The following VPS53 variants were observed in gnomAD, a reference collection of about 807,000 sequenced individuals.
VPS53 encodes vacuolar protein sorting-associated protein 53 homolog.
A neutral mutation model predicts 107.0 loss-of-function variants in VPS53; 70 were observed. The ratio of observed to expected loss-of-function variants is 0.65; its 90% CI spans 0.54 to 0.80. The LOEUF (loss-of-function observed/expected upper bound fraction) is 0.80, where lower values mean the gene tolerates loss of function less well. VPS53 is among the 30% of genes least tolerant of loss of function. The probability of loss-of-function intolerance (pLI) is 0.00; values close to 1 mark genes in which losing one functional copy is unlikely to be tolerated. For synonymous variants in VPS53, 409 were observed against 393.3 expected, an observed-to-expected ratio of 1.04 and a Z score of -0.47; for missense variants, 917 against 1,049.4, an observed-to-expected ratio of 0.87 and a Z score of 1.74.
chr17:530,790 G>T (rs1052759615), intron 19 of VPS53, among the ~76,000 whole-genome samples: 2 of 152,188 alleles, frequency 1.3e-5, no homozygotes, highest in African/African-American at 4.8e-5. Flanking sequence ...ATCAATATTG[G>T]TGTGGGTCAG....
chr17:521,700 G>C lies in VPS53; in HGVS notation c.2124C>G (p.Leu708=), dbSNP rs537204511. The C allele has an allele frequency of 2.6e-6, 4 of 1,549,984 alleles. No individual in the cohort carries two copies. The highest frequency in any genetic ancestry group is 3.5e-6 in the Non-Finnish European group (4 of 1,146,004). The stretch of plus-strand genomic sequence containing the variant: ...CCTGCGAGCTGATGGAGGGGAGATC[G>C]AGCAGGACCATCTTCAGCGAGTGGG... ...LDTHSLKMVL[L]DLPSISSQVV... The change falls in exon 20 of 22, where the codon CTC becomes CTG. Residue 708 remains leucine, a synonymous_variant. Coordinates refer to ENST00000437048, the MANE Select transcript of VPS53 (RefSeq NM_001128159.3).
At chr17:709,770 C>T (rs1973568705) in intron 2 of VPS53, among the ~76,000 whole-genome samples, 1 of 152,210 alleles carries the variant, frequency 6.6e-6, no homozygotes, top group African/African-American at 2.4e-5. Context: ...CTCACCCAAA[C>T]ACCCAAAAAC....
At chr17:690,718 T>C (rs560467645) in intron 4 of VPS53, among the ~76,000 whole-genome samples, 14 of 151,296 alleles carry the variant, frequency 9.3e-5, no homozygotes, top group Non-Finnish European at 2.1e-4. Flanking sequence ...AATGGAAGAA[T>C]AGTGTCTAAA....
At chr17:671,557 T>TA (rs1971946735) in intron 4 of VPS53, among the ~76,000 whole-genome samples, 1 of 152,054 alleles carries the variant, frequency 6.6e-6, no homozygotes, top group Non-Finnish European at 1.5e-5. Context: ...ACCTGAAAGG[T>TA]AGTAAGGAAT....
At chr17:658,543 A>G (rs1018416294) in intron 5 of VPS53, among the ~76,000 whole-genome samples, 9 of 143,954 alleles carry the variant, frequency 6.3e-5, no homozygotes, top group East Asian at 4.3e-4. Context: ...ACATCCCACC[A>G]AAGTGAGAAA....
intron 13 of VPS53, among the ~76,000 whole-genome samples, chr17:576,448 C>T (rs1218698922): frequency 1.3e-5 from 2 of 151,526 alleles, no homozygotes; most frequent in Non-Finnish European, 2.9e-5. Context: ...AGAAAACATA[C>T]CTCAGAACCT....
intron 4 of VPS53, among the ~76,000 whole-genome samples, chr17:668,836 T>C (rs1971814325): frequency 6.6e-6 from 1 of 152,118 alleles, no homozygotes; most frequent in African/African-American, 2.4e-5. Context: ...TTCTATCCCT[T>C]TCTCTCTTAC....
At position 706,580 on chromosome 17, in the gene VPS53, A is replaced by C. The variant is rs565420390; in HGVS notation, c.168+3953T>G. Reference sequence around the variant, plus strand: ...TACACAAGCAAGTCATTGTAACATCATAATTTACCTATAATCTGTTACTGT... The same window carrying C: ...TACACAAGCAAGTCATTGTAACATCCTAATTTACCTATAATCTGTTACTGT... On this transcript the variant is annotated intron_variant, in intron 2 of 21. Transcript: ENST00000437048. Among the ~76,000 whole-genome samples the C allele has an allele frequency of 2.6e-5, 4 of 152,150 alleles. No homozygotes were observed. The South Asian group carries it at 8.3e-4, about 32-fold the overall frequency.
intron 2 of VPS53, among the ~76,000 whole-genome samples, chr17:700,809 C>T (rs1973168624): frequency 6.6e-6 from 1 of 152,092 alleles, no homozygotes; most frequent in African/African-American, 2.4e-5. Flanking sequence ...TATTTTATCT[C>T]AGAAGGAATT....
intron 15 of VPS53, among the ~76,000 whole-genome samples, chr17:553,715 C>G (rs746222490): frequency 6.6e-6 from 1 of 151,686 alleles, no homozygotes; most frequent in Non-Finnish European, 1.5e-5. Context: ...GGACTACAGG[C>G]GTGCGCTACC....
At chr17:694,378 T>C (rs1972874660) in intron 4 of VPS53, among the ~76,000 whole-genome samples, 1 of 152,164 alleles carries the variant, frequency 6.6e-6, no homozygotes, top group African/African-American at 2.4e-5. Flanking sequence ...TACCGCTAGT[T>C]TGCAAGAGTC....
chr17:611,831 T>C (rs887630534), intron 11 of VPS53, among the ~76,000 whole-genome samples: 2 of 150,958 alleles, frequency 1.3e-5, no homozygotes, highest in African/African-American at 2.4e-5. Flanking sequence ...AATAGTGAAT[T>C]CACACAGTGA....
chr17:586,435 AC>A, intron 12 of VPS53, 71 bp from the exon 13 acceptor site: 2 of 1,430,386 alleles, frequency 1.4e-6, no homozygotes, highest in Non-Finnish European at 2.0e-6. Flanking sequence ...TTTTTTAAAA[AC>A]ATCATTTCAA....
In VPS53 at chr17:623,620, C is replaced by T; in HGVS notation, c.1029G>A (p.Leu343=). 1 of 1,613,978 alleles carries T rather than the reference C, an allele frequency of 6.2e-7. No individual in the cohort carries two copies. The highest frequency in any genetic ancestry group is 8.5e-7 in the Non-Finnish European group (1 of 1,179,908). The part of the protein sequence containing the change: ...RTRAKEIEVK[L]LLFAIQRTTN... ...TTGTTCTTTGAATAGCAAAAAGAAG[C>T]AATTTCACTTCAATTTCCTTCGCTC... Residue 343 remains leucine, a synonymous_variant, in exon 11 of 22, where the codon TTG becomes TTA. Transcript: ENST00000437048.
At chr17:568,554 T>C (rs1435659729) in intron 13 of VPS53, among the ~76,000 whole-genome samples, 1 of 152,168 alleles carries the variant, frequency 6.6e-6, no homozygotes, top group East Asian at 1.9e-4. Context: ...ACCCTAGAGC[T>C]TCTTAATTCA....
At chr17:607,467 C>T (rs10521106) in intron 11 of VPS53, among the ~76,000 whole-genome samples, 58,684 of 152,132 alleles carry the variant, frequency 0.39, 12,761 homozygotes, top group South Asian at 0.5. Flanking sequence ...ACTGCTCAGA[C>T]TGACTTGCTA....
Position 697,841 on chromosome 17 carries a change from C to T in VPS53, c.219-357G>A, listed in dbSNP as rs1039124280. The stretch of plus-strand genomic sequence containing the variant: ...ATGCCAGATAACTCAAATTACCTCA[C>T]ACACAATCCCTTTCTCGGTCCCCTT... On this transcript the variant is annotated intron_variant, in intron 3 of 21. Transcript: ENST00000437048. Among the ~76,000 whole-genome samples, 5 of 152,188 alleles carry T rather than the reference C, an allele frequency of 3.3e-5. No individual in the cohort carries two copies. In the East Asian group the frequency reaches 9.6e-4, roughly 29 times the overall value.
At chr17:618,734 T>C (rs980539382) in intron 11 of VPS53, among the ~76,000 whole-genome samples, 18 of 150,392 alleles carry the variant, frequency 1.2e-4, no homozygotes, top group Admixed American at 5.9e-4. Flanking sequence ...TAGCTGGGAC[T>C]ACAGGCGTGC....
chr17:697,906 C>T (rs1973043329), intron 3 of VPS53, among the ~76,000 whole-genome samples: 1 of 152,170 alleles, frequency 6.6e-6, no homozygotes, highest in Non-Finnish European at 1.5e-5. Context: ...GGAATCAGTG[C>T]TTCCGGGCCC....
Sources: gnomAD v4.1 joint callset for allele counts (sites outside exome capture counted in the v4.1 genomes callset) on GRCh38, gnomAD v4.1.1 for gene constraint, MANE v1.5 for transcripts, NCBI Gene and HGNC (gene_info 2026-07-23, HGNC 2026-07-21) for gene names.